Variants in RBM19 observed in about 807,000 individuals in gnomAD.
The protein encoded by RBM19 is RNA binding motif protein 19.
A neutral mutation model predicts 116.8 loss-of-function variants in RBM19; 94 were observed. The observed-to-expected ratio is 0.80, with a 90% confidence interval of 0.68 to 0.95. The LOEUF (loss-of-function observed/expected upper bound fraction) is 0.95. Ranked by LOEUF, RBM19 falls within the 40% of genes least tolerant of loss-of-function variation. The pLI is 0.00. For missense variants in RBM19, 1,161 were observed against 1,220.7 expected, an observed-to-expected ratio of 0.95 and a Z score of 0.73; for synonymous variants, 475 against 494.1, an observed-to-expected ratio of 0.96 and a Z score of 0.51.
At chr12:113,902,443 T>C (rs1215823337) in intron 21 of RBM19, among the ~76,000 whole-genome samples, 1 of 151,846 alleles carries the variant, frequency 6.6e-6, no homozygotes, top group East Asian at 1.9e-4. Flanking sequence ...ACAAAAAAAC[T>C]GAAAAATTAG....
At chr12:113,828,649 C>T (rs1243074052) in intron 23 of RBM19, among the ~76,000 whole-genome samples, 2 of 152,104 alleles carry the variant, frequency 1.3e-5, no homozygotes, top group African/African-American at 4.8e-5. Flanking sequence ...CTGTAGCTCC[C>T]ACCCTTGGGG....
chr12:113,859,417 C>T (rs1333593307), intron 21 of RBM19, among the ~76,000 whole-genome samples: 1 of 152,180 alleles, frequency 6.6e-6, no homozygotes, highest in Non-Finnish European at 1.5e-5. Flanking sequence ...GGACCTGGGA[C>T]CTGGGACATG....
intron 15 of RBM19, 94 bp downstream of exon 15, chr12:113,939,866 A>C: frequency 7.4e-7 from 1 of 1,356,064 alleles, no homozygotes; most frequent in Non-Finnish European, 1.0e-6. Flanking sequence ...CCCATGTGCC[A>C]CATCTGTGAA....
chr12:113,915,424 G>C (rs1403496743), intron 20 of RBM19, among the ~76,000 whole-genome samples: 1 of 152,168 alleles, frequency 6.6e-6, no homozygotes, highest in Non-Finnish European at 1.5e-5. Flanking sequence ...CAGTTGCAAA[G>C]AAAGACCCCA....
At chr12:113,871,448 C>T (rs1471825956) in intron 21 of RBM19, among the ~76,000 whole-genome samples, 2 of 151,558 alleles carry the variant, frequency 1.3e-5, no homozygotes, top group African/African-American at 2.4e-5. Context: ...GGGATGCACA[C>T]ATTTTTTCTA....
At chr12:113,896,625 C>T (rs1489259267) in intron 21 of RBM19, among the ~76,000 whole-genome samples, 1 of 152,162 alleles carries the variant, frequency 6.6e-6, no homozygotes, top group African/African-American at 2.4e-5. Context: ...CTGAGAAATC[C>T]ATGTTCTGAA....
intron 23 of RBM19, among the ~76,000 whole-genome samples, chr12:113,842,451 G>A (rs11066781): frequency 0.13 from 19,986 of 152,302 alleles, 1,300 homozygotes; most frequent in African/African-American, 0.14. Flanking sequence ...TGAGTTGTGA[G>A]CTTGCAACTG....
At chr12:113,887,063 A>G (rs1451610761) in intron 21 of RBM19, among the ~76,000 whole-genome samples, 1 of 152,254 alleles carries the variant, frequency 6.6e-6, no homozygotes, top group Admixed American at 6.5e-5. Flanking sequence ...AAAAATCACA[A>G]GAATAACATT....
intron 16 of RBM19, among the ~76,000 whole-genome samples, chr12:113,935,867 C>T (rs1284947935): frequency 6.6e-6 from 1 of 152,044 alleles, no homozygotes; most frequent in Non-Finnish European, 1.5e-5. Context: ...AACCCCGTCT[C>T]TACCAAAAAT....
intron 16 of RBM19, among the ~76,000 whole-genome samples, chr12:113,934,266 G>A (rs936046572): frequency 6.6e-6 from 1 of 152,250 alleles, no homozygotes; most frequent in African/African-American, 2.4e-5. Context: ...GAAGACTGGT[G>A]ATGTGCATGT....
chr12:113,817,606 C>G (rs865985787), downstream of RBM19: 2 of 152,280 alleles, frequency 1.3e-5, no homozygotes, highest in Non-Finnish European at 2.9e-5. Context: ...AACAGGCAGA[C>G]CTCCGGGCCT....
chr12:113,821,520 C>T (rs1376493757), downstream of RBM19, among the ~76,000 whole-genome samples: 1 of 152,192 alleles, frequency 6.6e-6, no homozygotes, highest in Non-Finnish European at 1.5e-5. Context: ...GGACCCTGGT[C>T]ACCTGAGGGT....
In RBM19 at chr12:113,957,978, A is replaced by G; in HGVS notation, c.644T>C (p.Met215Thr). The G allele has an allele frequency of 1.2e-6, 2 of 1,614,138 alleles. No individual in the cohort carries two copies. The highest frequency in any genetic ancestry group is 1.7e-6 in the Non-Finnish European group (2 of 1,180,010). ...GGAAGAGGACGACCCAGCCTTCACC[A>G]TCTTGGATTTCAGGTAATCCATGTC... ...LSDMDYLKSK[M>T]VKAGSSSSSE... Residue 215 changes from methionine to threonine, a missense_variant, in exon 6 of 24, where the codon ATG becomes ACG. Coordinates refer to ENST00000261741, the MANE Select transcript of RBM19 (RefSeq NM_016196.4).
intron 16 of RBM19, 81 bp from the exon 17 acceptor site, chr12:113,927,310 C>A: frequency 6.8e-7 from 1 of 1,471,656 alleles, no homozygotes. Context: ...GCCCTGGGGC[C>A]AACTGCAAAA....
intron 21 of RBM19, among the ~76,000 whole-genome samples, chr12:113,906,562 C>G (rs2135835730): frequency 6.6e-6 from 1 of 152,252 alleles, no homozygotes; most frequent in East Asian, 1.9e-4. Flanking sequence ...TTGTGACCAC[C>G]TGCCATACTG....
At chr12:113,876,564 G>A (rs1879683043) in intron 21 of RBM19, among the ~76,000 whole-genome samples, 1 of 152,014 alleles carries the variant, frequency 6.6e-6, no homozygotes. Context: ...GCTGAGGTGG[G>A]AGGATCATTT....
At chr12:113,834,262 A>G (rs1875686694) in intron 23 of RBM19, among the ~76,000 whole-genome samples, 1 of 151,732 alleles carries the variant, frequency 6.6e-6, no homozygotes, top group South Asian at 2.1e-4. Context: ...GAACTGTTGA[A>G]TGAATGAATG....
intron 20 of RBM19, among the ~76,000 whole-genome samples, chr12:113,916,280 G>A (rs934715432): frequency 2.6e-5 from 4 of 152,222 alleles, no homozygotes; most frequent in South Asian, 2.1e-4. Flanking sequence ...GGTGGCAGGC[G>A]CCTGTAATCC....
At position 113,946,355 on chromosome 12, in the gene RBM19, T is replaced by C; in HGVS notation, c.1528A>G (p.Ser510Gly). Residue 510 changes from serine to glycine, a missense_variant and splice_region_variant, in exon 12 of 24, where the codon AGC (serine) becomes GGC (glycine). By Grantham distance (56) the Ser-to-Gly change is moderately conservative (BLOSUM62 0). Coordinates refer to ENST00000261741, the MANE Select transcript of RBM19 (RefSeq NM_016196.4). ...AGTGGTTTCAGGGGCACTGAGGACC[T>C]GGCACTGTTGGCTTTGTCCTGGGCC... Reference protein sequence around the residue: ...KEAQDKANSASSHNWNTLFMG... With the variant: ...KEAQDKANSAGSHNWNTLFMG... 2 of 1,614,106 alleles carry C rather than the reference T, an allele frequency of 1.2e-6. No homozygotes were observed. The highest frequency in any genetic ancestry group is 1.7e-6 in the Non-Finnish European group (2 of 1,179,982).
Sources: allele counts gnomAD v4.1 joint callset (sites outside exome capture counted in the v4.1 genomes callset), GRCh38; gene constraint gnomAD v4.1.1; transcripts MANE v1.5; gene names NCBI Gene and HGNC (gene_info 2026-07-23, HGNC 2026-07-21).